Variants in ZFYVE9 observed in about 807,000 individuals in gnomAD.
The protein encoded by ZFYVE9 is zinc finger FYVE domain-containing protein 9.
ZFYVE9 carries 43 observed loss-of-function variants against 126.7 expected under a neutral mutation model. The ratio of observed to expected loss-of-function variants is 0.34; its 90% confidence interval spans 0.27 to 0.44. The LOEUF (loss-of-function observed/expected upper bound fraction) is 0.44, where lower values mean the gene tolerates loss of function less well. ZFYVE9 is among the 20% of genes least tolerant of loss of function. ZFYVE9 has a pLI of 1.00. For missense variants in ZFYVE9, 1,476 were observed against 1,697.0 expected (o/e 0.87, Z 2.29); for synonymous variants, 521 against 597.4 (o/e 0.87, Z 1.87).
chr1:52,277,751 A>G (rs941181756), intron 8 of ZFYVE9, among the ~76,000 whole-genome samples: 5 of 152,120 alleles, frequency 3.3e-5, no homozygotes, highest in African/African-American at 1.2e-4. Context: ...ATTATTACGC[A>G]TGATTTGACT....
intron 14 of ZFYVE9, among the ~76,000 whole-genome samples, chr1:52,333,307 T>A (rs905257264): frequency 2.5e-4 from 36 of 146,346 alleles, no homozygotes; most frequent in South Asian, 1.7e-3. Flanking sequence ...AAAAAAAAAA[T>A]ATGCCCTTAG....
chr1:52,268,605 A>G lies in ZFYVE9; in HGVS notation c.2598A>G (p.Pro866=). The G allele has an allele frequency of 6.2e-7, 1 of 1,614,188 alleles. No individual in the cohort carries two copies. Among genetic ancestry groups the G allele is most frequent in the Non-Finnish European group, 8.5e-7 (1 of 1,180,010 alleles). Residue 866 remains proline, a synonymous_variant, in exon 7 of 19, where the codon CCA becomes CCG. Transcript: ENST00000287727. ...TLAVSHDPVK[P]VTTSPLPAET... ...CTGTGTCACACGACCCAGTCAAGCC[A>G]GTAACTACCAGTCCTCTACCAGCAG...
intron 4 of ZFYVE9, among the ~76,000 whole-genome samples, chr1:52,262,119 C>G (rs1205782721): frequency 1.3e-5 from 2 of 152,142 alleles, no homozygotes; most frequent in African/African-American, 4.8e-5. Context: ...AAGATCAAGG[C>G]AACGGTAGAT....
rs1331724592 is a variant in ZFYVE9, at chr1:52,302,476, C to T, written c.3334-1345C>T. ...AAAATATGTCTGGAAACAGGCTGGGCGCAGTGGCTCACACTTGTAATCCCA... is the reference window on the plus strand; with the variant it reads ...AAAATATGTCTGGAAACAGGCTGGGTGCAGTGGCTCACACTTGTAATCCCA... On this transcript the variant is annotated intron_variant, in intron 12 of 18. Transcript: ENST00000287727. 3.9e-5 allele frequency among the ~76,000 whole-genome samples: 6 copies of T among 152,166 alleles called. No individual in the cohort carries two copies. In the East Asian group the frequency reaches 7.7e-4, roughly 20 times the overall value.
At chr1:52,233,774 T>G (rs909360706) in intron 3 of ZFYVE9, among the ~76,000 whole-genome samples, 1 of 152,198 alleles carries the variant, frequency 6.6e-6, no homozygotes, top group African/African-American at 2.4e-5. Context: ...CCACTTAAGA[T>G]TCACTTCTTT....
chr1:52,285,777 G>A lies in ZFYVE9; in HGVS notation c.3025+3961G>A, dbSNP rs148036409. 3.0e-3 allele frequency among the ~76,000 whole-genome samples: 450 copies of A among 152,200 alleles called. 1 individual carries two copies. Among genetic ancestry groups the A allele is most frequent in the African/African-American group, 9.7e-3 (401 of 41,536 alleles). ...AATGCGCTTGAATCATCCTGAAACC[G>A]TCTCCCCTTCCCCACAGTCCGTGGA... On this transcript the variant is annotated intron_variant, in intron 10 of 18. Coordinates refer to ENST00000287727, the MANE Select transcript of ZFYVE9 (RefSeq NM_004799.4).
rs566254146 is a variant in ZFYVE9 at position 52,174,816 on chromosome 1, A to G, written c.-143+32413A>G. The stretch of plus-strand genomic sequence containing the variant: ...TTTAAAGTCTGTTTTATCCGAGACT[A>G]GGATTGCAACCCCTGCCTTTTTTTG... On this transcript the variant is annotated intron_variant, in intron 1 of 18. Coordinates refer to ENST00000287727, the MANE Select transcript of ZFYVE9 (RefSeq NM_004799.4). 3.4e-4 allele frequency among the ~76,000 whole-genome samples: 52 copies of G among 152,220 alleles called. 1 individual carries two copies. The East Asian group carries it at 6.9e-3, about 20-fold the overall frequency.
chr1:52,201,007 A>G (rs1483138886), intron 1 of ZFYVE9, among the ~76,000 whole-genome samples: 1 of 152,164 alleles, frequency 6.6e-6, no homozygotes, highest in African/African-American at 2.4e-5. Context: ...TCAATTTGTC[A>G]ATGTTTATAA....
Position 52,334,778 on chromosome 1 carries a change from G to A in ZFYVE9, c.3670+10G>A. Reference sequence around the variant, plus strand: ...TCCAGTATTGTGGAAGGTAAAGAATGAATTGTTCAGTCCTCATAATAAGGA... The same window carrying A: ...TCCAGTATTGTGGAAGGTAAAGAATAAATTGTTCAGTCCTCATAATAAGGA... On this transcript the variant is annotated intron_variant, in intron 15 of 18. Transcript: ENST00000287727. 6.2e-7 allele frequency: 1 copy of A among 1,613,052 alleles called. No individual in the cohort carries two copies. The highest frequency in any genetic ancestry group is 8.5e-7 in the Non-Finnish European group (1 of 1,179,186).
At chr1:52,299,644 G>T (rs961189834) in intron 12 of ZFYVE9, among the ~76,000 whole-genome samples, 7 of 152,186 alleles carry the variant, frequency 4.6e-5, no homozygotes, top group African/African-American at 1.7e-4. Context: ...GTTCCCTGGG[G>T]CAGGGAGGTG....
chr1:52,252,435 C>G (rs1569588597), intron 4 of ZFYVE9: 2 of 160,344 alleles, frequency 1.2e-5, no homozygotes, highest in African/African-American at 4.8e-5. Context: ...TCTCGGCTCA[C>G]CGCAACCTCT....
At chr1:52,315,282 G>C (rs1417844970) in intron 13 of ZFYVE9, among the ~76,000 whole-genome samples, 1 of 152,054 alleles carries the variant, frequency 6.6e-6, no homozygotes, top group Non-Finnish European at 1.5e-5. Context: ...ACAAAAATTA[G>C]CTGGGTATGG....
At chr1:52,286,978 C>T (rs1349612613) in intron 10 of ZFYVE9, among the ~76,000 whole-genome samples, 1 of 152,180 alleles carries the variant, frequency 6.6e-6, no homozygotes, top group Non-Finnish European at 1.5e-5. Flanking sequence ...TGTCTCAATC[C>T]TATCAGTTGT....
chr1:52,293,429 G>A, intron 10 of ZFYVE9, 24 bp from the exon 11 acceptor site: 5 of 1,442,722 alleles, frequency 3.5e-6, no homozygotes, highest in South Asian at 1.2e-5. Flanking sequence ...ATACAAAGTA[G>A]CTAATAAACT....
chr1:52,331,089 G>A (rs1223532258), intron 13 of ZFYVE9, among the ~76,000 whole-genome samples: 7 of 151,980 alleles, frequency 4.6e-5, no homozygotes, highest in African/African-American at 7.3e-5. Context: ...GGCTGGTCTC[G>A]AACTCCTGAC....
intron 1 of ZFYVE9, among the ~76,000 whole-genome samples, chr1:52,207,083 A>G (rs1448912239): frequency 6.6e-6 from 1 of 152,208 alleles, no homozygotes; most frequent in Non-Finnish European, 1.5e-5. Context: ...CCCAGAAATA[A>G]TATTTAATCA....
intron 10 of ZFYVE9, among the ~76,000 whole-genome samples, chr1:52,285,238 T>G (rs181136602): frequency 6.6e-6 from 1 of 152,308 alleles, no homozygotes; most frequent in East Asian, 1.9e-4. Context: ...ACATATTTAT[T>G]AAGAACCTTA....
At chr1:52,317,050 C>G (rs1419470744) in intron 13 of ZFYVE9, among the ~76,000 whole-genome samples, 1 of 152,062 alleles carries the variant, frequency 6.6e-6, no homozygotes, top group African/African-American at 2.4e-5. Flanking sequence ...CTAGAAAATT[C>G]CCAAATATTT....
rs1645103357 is a variant in ZFYVE9, at chr1:52,219,556, G to T, written c.-37+3082G>T. Among the ~76,000 whole-genome samples, 7 of 151,952 alleles carry T rather than the reference G, an allele frequency of 4.6e-5. 1 individual carries two copies. The South Asian group carries it at 1.5e-3, about 32-fold the overall frequency. On this transcript the variant is annotated intron_variant, in intron 2 of 18. Transcript: ENST00000287727. The stretch of plus-strand genomic sequence containing the variant: ...AACATATGATAAGGACGTGATCTCT[G>T]GGCTGGTGTCGGTGAATTGGGAATT...
Sources: gnomAD v4.1 joint callset for allele counts (sites outside exome capture counted in the v4.1 genomes callset) on GRCh38, gnomAD v4.1.1 for gene constraint, MANE v1.5 for transcripts, NCBI Gene and HGNC (gene_info 2026-07-23, HGNC 2026-07-21) for gene names.